Variants in DOCK1 observed in about 807,000 individuals in gnomAD.
DOCK1 encodes dedicator of cytokinesis protein 1.
Under a neutral mutation model 262.7 loss-of-function variants are expected in DOCK1, and 138 were observed. That is an observed-to-expected ratio of 0.53 (90% CI 0.46 to 0.61). The LOEUF (loss-of-function observed/expected upper bound fraction) is 0.61. DOCK1 is among the 20% of genes least tolerant of loss of function. The pLI is 0.00. For synonymous variants in DOCK1, 866 were observed against 867.4 expected (o/e 1.00, Z 0.03); for missense variants, 1,908 against 2,370.7 (o/e 0.80, Z 4.05).
intron 29 of DOCK1, among the ~76,000 whole-genome samples, chr10:127,302,085 C>T (rs1031015153): frequency 9.2e-5 from 14 of 151,932 alleles, no homozygotes; most frequent in African/African-American, 3.1e-4. Flanking sequence ...CTAGGGTCCT[C>T]TCTGCTTGTA....
chr10:127,133,072 T>C (rs976990147), intron 27 of DOCK1, among the ~76,000 whole-genome samples: 5 of 152,124 alleles, frequency 3.3e-5, no homozygotes, highest in Admixed American at 1.3e-4. Flanking sequence ...CAGGGGGACA[T>C]TGATGGGATG....
At chr10:127,248,193 T>A in intron 28 of DOCK1, 84 bp downstream of exon 28, 1 of 1,187,370 alleles carries the variant, frequency 8.4e-7, no homozygotes, top group Non-Finnish European at 1.2e-6. Flanking sequence ...TATATTCATT[T>A]AAAATAGGAT....
At chr10:127,423,980 A>G (rs2068662508) in intron 46 of DOCK1, among the ~76,000 whole-genome samples, 1 of 152,138 alleles carries the variant, frequency 6.6e-6, no homozygotes, top group Non-Finnish European at 1.5e-5. Context: ...AGGGCTCTGG[A>G]GGTGGGGTTC....
rs1167290884 is a variant in DOCK1 at position 127,403,151 on chromosome 10, C to G, written c.4017+7C>G. 7.5e-6 allele frequency: 12 copies of G among 1,595,344 alleles called. No homozygotes were observed. Among genetic ancestry groups the G allele is most frequent in the Admixed American group, 1.7e-5 (1 of 57,562 alleles). On this transcript the variant is annotated splice_region_variant and intron_variant, in intron 39 of 51. Coordinates refer to ENST00000623213, the MANE Select transcript of DOCK1 (RefSeq NM_001290223.2). ...GCAACTCAGCGAATTGCTGGTGAGT[C>G]TTTATTTCTTTTTATTTAAATGAAC...
intron 29 of DOCK1, among the ~76,000 whole-genome samples, chr10:127,260,748 T>G (rs1252894325): frequency 6.7e-6 from 1 of 149,302 alleles, no homozygotes. Flanking sequence ...TGTGCATGTG[T>G]GTACCCGTGC....
chr10:127,175,975 T>C lies in DOCK1; in HGVS notation c.2847+48211T>C, dbSNP rs1246846416. 1.2e-6 allele frequency: 2 copies of C among 1,614,162 alleles called. No individual in the cohort carries two copies. Among genetic ancestry groups the C allele is most frequent in the East Asian group, 4.5e-5 (2 of 44,874 alleles). On this transcript the variant is annotated intron_variant, in intron 27 of 51. Coordinates refer to ENST00000623213, the MANE Select transcript of DOCK1 (RefSeq NM_001290223.2). This position sits in a 1 kb window ranked among gnomAD's most constrained non-coding sequence, Gnocchi z 6.3. ...TCTTTCGCATCTGTTAGAAACCCAT[T>C]GTTTTGGCTTTTAAAGGGATCTGCA...
chr10:126,911,294 C>G (rs1439157532), intron 1 of DOCK1, among the ~76,000 whole-genome samples: 1 of 152,156 alleles, frequency 6.6e-6, no homozygotes, highest in Non-Finnish European at 1.5e-5. Context: ...ATTTGGGAGC[C>G]AGCGTGCAGC....
At chr10:127,202,354 G>C (rs1260566035) in intron 27 of DOCK1, among the ~76,000 whole-genome samples, 1 of 151,934 alleles carries the variant, frequency 6.6e-6, no homozygotes, top group Non-Finnish European at 1.5e-5. Flanking sequence ...GACAGGAAGG[G>C]GTAAGAATGG....
intron 7 of DOCK1, among the ~76,000 whole-genome samples, chr10:126,997,631 G>A (rs531450987): frequency 1.3e-5 from 2 of 151,714 alleles, no homozygotes; most frequent in Non-Finnish European, 2.9e-5. Context: ...CCTCCCACCA[G>A]TATATATATA....
At chr10:127,304,442 T>C (rs1461337426) in intron 29 of DOCK1, among the ~76,000 whole-genome samples, 1 of 152,232 alleles carries the variant, frequency 6.6e-6, no homozygotes, top group Non-Finnish European at 1.5e-5. Flanking sequence ...TTCCTGAAGT[T>C]TCTTTTGTCC....
At chr10:127,146,021 C>G (rs1336116290) in intron 27 of DOCK1, 1 of 518,086 alleles carries the variant, frequency 1.9e-6, no homozygotes, top group Non-Finnish European at 3.9e-6. Context: ...CTCTATTCCC[C>G]ATGGAATTTC....
intron 27 of DOCK1, among the ~76,000 whole-genome samples, chr10:127,143,634 T>C (rs141048154): frequency 6.6e-6 from 1 of 152,168 alleles, no homozygotes; most frequent in Non-Finnish European, 1.5e-5. Flanking sequence ...CAACTGACAT[T>C]GGCGCCAACT....
intron 27 of DOCK1, among the ~76,000 whole-genome samples, chr10:127,170,334 C>G (rs1486210828): frequency 1.3e-5 from 2 of 152,192 alleles, no homozygotes; most frequent in South Asian, 2.1e-4. Context: ...TCCTCTTGCT[C>G]TCTCCCCCTA....
intron 29 of DOCK1, among the ~76,000 whole-genome samples, chr10:127,303,102 A>G (rs1337390525): frequency 6.6e-6 from 1 of 152,210 alleles, no homozygotes; most frequent in African/African-American, 2.4e-5. Flanking sequence ...GTATTGCAAT[A>G]GGTGTCAAGA....
At chr10:126,953,554 T>C (rs2036502874) in intron 1 of DOCK1, among the ~76,000 whole-genome samples, 1 of 151,994 alleles carries the variant, frequency 6.6e-6, no homozygotes, top group East Asian at 1.9e-4. Flanking sequence ...GTGGTAGTAT[T>C]GTTAATCAGT....
At chr10:127,102,389 CG>C (rs2048304199) in intron 23 of DOCK1, among the ~76,000 whole-genome samples, 1 of 152,166 alleles carries the variant, frequency 6.6e-6, no homozygotes, top group Non-Finnish European at 1.5e-5. Flanking sequence ...AGAATACTTA[CG>C]TCATAGATGA....
At chr10:127,097,352 A>C (rs2047972748) in intron 23 of DOCK1, among the ~76,000 whole-genome samples, 1 of 152,186 alleles carries the variant, frequency 6.6e-6, no homozygotes, top group Non-Finnish European at 1.5e-5. Context: ...AGGGACACTC[A>C]GCAGCCTGCC....
At chr10:127,316,211 A>C in intron 29 of DOCK1, among the ~76,000 whole-genome samples, 1 of 152,234 alleles carries the variant, frequency 6.6e-6, no homozygotes, top group East Asian at 1.9e-4. Context: ...CCAGCATATG[A>C]TACAATATTA....
In DOCK1 at chr10:127,012,406, G is replaced by C. The variant is rs376718508; in HGVS notation, c.1201+32G>C. On this transcript the variant is annotated intron_variant, in intron 12 of 51. Transcript: ENST00000623213. This position sits in a 1 kb window ranked among gnomAD's most constrained non-coding sequence, Gnocchi z 4.0. ...ATTTTCCTATTTTGTTTCTATCAGC[G>C]TGTATTTGCATGCGTTGGGGCAGTG... is the stretch of plus-strand genomic sequence containing the variant. 1.2e-6 allele frequency: 2 copies of C among 1,607,392 alleles called. No homozygotes were observed. The highest frequency in any genetic ancestry group is 1.7e-5 in the Admixed American group (1 of 59,942).
Sources: gnomAD v4.1 joint callset for allele counts (sites outside exome capture counted in the v4.1 genomes callset) on GRCh38, gnomAD v4.1.1 for gene constraint, Gnocchi (gnomAD v3.1) non-coding constraint, MANE v1.5 for transcripts, NCBI Gene and HGNC (gene_info 2026-07-23, HGNC 2026-07-21) for gene names.